Variants in TRMT1L observed in about 807,000 individuals in gnomAD.
TRMT1L encodes the protein tRNA methyltransferase 1L.
In TRMT1L, 28 loss-of-function variants were observed where a neutral mutation model predicts 81.6. That is an observed-to-expected ratio of 0.34 (90% CI 0.25 to 0.47). The LOEUF is 0.47. Among genes scored for constraint, TRMT1L ranks in the 20% least tolerant of loss-of-function variants. The pLI, the probability that TRMT1L is intolerant of heterozygous loss-of-function variation, is 1.00. For missense variants in TRMT1L, 739 were observed against 877.1 expected (o/e 0.84, Z 1.99); for synonymous variants, 301 against 303.2 (o/e 0.99, Z 0.07).
chr1:185,128,313 C>A (rs1557985386), intron 11 of TRMT1L, among the ~76,000 whole-genome samples: 1 of 152,140 alleles, frequency 6.6e-6, no homozygotes, highest in Non-Finnish European at 1.5e-5. Flanking sequence ...TGAGTTGGCT[C>A]TTCTATAAAA....
Position 185,137,925 on chromosome 1 carries a change from A to C in TRMT1L, c.1323-129T>G. The stretch of plus-strand genomic sequence containing the variant: ...GGACATCAAGAAAAATTCAATTCTC[A>C]GTAGCAGTGCTTTTAAAAGATCATT... On this transcript the variant is annotated intron_variant, in intron 9 of 14. Transcript: ENST00000367506. 4 of 780,536 alleles carry C rather than the reference A, an allele frequency of 5.1e-6. No individual in the cohort carries two copies. The South Asian group carries it at 8.8e-5, about 17-fold the overall frequency. 48.4% of individuals were successfully genotyped at this position (780,536 alleles called of 1,614,324 possible). A position where few individuals can be genotyped will look rare whatever the true frequency, so the allele number is the denominator to read the frequency against.
intron 7 of TRMT1L, among the ~76,000 whole-genome samples, chr1:185,142,070 G>T (rs1653064417): frequency 6.6e-6 from 1 of 152,106 alleles, no homozygotes; most frequent in South Asian, 2.1e-4. Flanking sequence ...TATGGGAAGA[G>T]TAACAGGAAA....
Position 185,139,451 on chromosome 1 carries a change from G to A in TRMT1L, c.1238C>T (p.Ala413Val), listed in dbSNP as rs771856900. 3.5e-5 allele frequency: 57 copies of A among 1,614,010 alleles called. No homozygotes were observed. The highest frequency in any genetic ancestry group is 1.6e-4 in the Middle Eastern group (1 of 6,080). ...SSLYAKAQHV[A>V]RRHYGCNIVR... ...AATGTTACATCCGTAGTGACGCCGGGCAACATGCTGTGCCTTGGCATATAA... is the reference window on the plus strand; with the variant it reads ...AATGTTACATCCGTAGTGACGCCGGACAACATGCTGTGCCTTGGCATATAA... Residue 413 changes from alanine (A) to valine (V), a missense_variant, in exon 9 of 15, where the codon GCC (alanine) becomes GTC (valine). Around this residue, in one of 4 missense-constraint regions of TRMT1L, gnomAD observed 331 missense variants for 462.2 expected, o/e 0.72. Transcript: ENST00000367506.
chr1:185,124,884 A>G, intron 12 of TRMT1L, 60 bp downstream of exon 12: 1 of 1,448,740 alleles, frequency 6.9e-7, no homozygotes, highest in Non-Finnish European at 9.4e-7. Context: ...TACAATTGAA[A>G]AAGATACAGT....
intron 2 of TRMT1L, 111 bp from the exon 3 acceptor site, chr1:185,150,603 C>T: frequency 1.4e-6 from 1 of 732,760 alleles, no homozygotes; most frequent in Non-Finnish European, 2.3e-6. Flanking sequence ...TAAAGTCTTT[C>T]TTAACTTTAG....
chr1:185,136,103 T>C (rs1397879696), intron 10 of TRMT1L, among the ~76,000 whole-genome samples: 1 of 152,182 alleles, frequency 6.6e-6, no homozygotes. Context: ...AAGCCAGTAT[T>C]ATGCTTGAAT....
chr1:185,148,737 G>C (rs530819553), intron 3 of TRMT1L, among the ~76,000 whole-genome samples: 1 of 152,152 alleles, frequency 6.6e-6, no homozygotes, highest in Non-Finnish European at 1.5e-5. Flanking sequence ...ATTTTCCTAA[G>C]AAGTCAGTAT....
At position 185,118,824 on chromosome 1, in the gene TRMT1L, CTT is replaced by C. The variant is rs1308776920; in HGVS notation, c.*1193_*1194del. 1.3e-5 allele frequency: 2 copies of C among 151,892 alleles called. No individual in the cohort carries two copies. The highest frequency in any genetic ancestry group is 2.9e-5 in the Non-Finnish European group (2 of 67,946). The allele number at this position is 151,892 out of a possible 1,614,324, so 9.4% of individuals were successfully genotyped here. The stretch of plus-strand genomic sequence containing the variant: ...TTTTTTTGTATATGTCACAGAAGTA[CTT>C]TTTTCTTAGGTAGTATATTTAAACC... On this transcript the variant is annotated 3_prime_UTR_variant, in exon 15 of 15. Transcript: ENST00000367506.
Position 185,125,053 on chromosome 1 carries a change from G to T in TRMT1L, c.1650C>A (p.His550Gln). ...GGGTCTGAATGTCATCCAAACCATGGTGAAGAGATTCAAATAGCATTCTTT... is the reference window on the plus strand; with the variant it reads ...GGGTCTGAATGTCATCCAAACCATGTTGAAGAGATTCAAATAGCATTCTTT... Reference protein sequence around the residue: ...FLKRMLFESLHHGLDDIQTLI... With the variant: ...FLKRMLFESLQHGLDDIQTLI... Residue 550 changes from histidine to glutamine, a missense_variant, in exon 12 of 15, where the codon CAC becomes CAA. His to Gln is a conservative substitution (Grantham distance 24). Transcript: ENST00000367506. 1.2e-6 allele frequency: 2 copies of T among 1,612,866 alleles called. No individual in the cohort carries two copies. Among genetic ancestry groups the T allele is most frequent in the African/African-American group, 2.7e-5 (2 of 74,988 alleles).
intron 9 of TRMT1L, 30 bp from the exon 10 acceptor site, chr1:185,137,826 G>A (rs772379572): frequency 1.3e-5 from 21 of 1,604,950 alleles, no homozygotes; most frequent in Non-Finnish European, 1.7e-5. Flanking sequence ...GTTATTTTGT[G>A]GGCTTATCAT....
Position 185,118,518 on chromosome 1 carries a change from G to A in TRMT1L, c.*1501C>T, listed in dbSNP as rs1652417685. ...TGAGTGCTAAAATAGTTTGCCTCCT[G>A]GATTTATAGTAATTTTTAATTGAAA... is the stretch of plus-strand genomic sequence containing the variant. On this transcript the variant is annotated 3_prime_UTR_variant, in exon 15 of 15. Coordinates refer to ENST00000367506, the MANE Select transcript of TRMT1L (RefSeq NM_030934.5). 6.6e-6 allele frequency: 1 copy of A among 151,770 alleles called. No homozygotes were observed. The highest frequency in any genetic ancestry group is 2.4e-5 in the African/African-American group (1 of 41,284). 9.4% of individuals were successfully genotyped at this position (151,770 alleles called of 1,614,324 possible).
chr1:185,138,412 C>T (rs1427438437), intron 9 of TRMT1L, among the ~76,000 whole-genome samples: 2 of 152,090 alleles, frequency 1.3e-5, no homozygotes, highest in Admixed American at 6.6e-5. Context: ...CAGTAAACAT[C>T]AGTTTTCAGG....
At chr1:185,128,414 A>G (rs1405006676) in intron 11 of TRMT1L, among the ~76,000 whole-genome samples, 1 of 152,198 alleles carries the variant, frequency 6.6e-6, no homozygotes, top group African/African-American at 2.4e-5. Context: ...TGAATTATCT[A>G]GTTTCCAGAT....
In TRMT1L at chr1:185,120,073, T is replaced by A; in HGVS notation, c.2148A>T (p.Arg716Ser). The A allele has an allele frequency of 6.2e-7, 1 of 1,614,032 alleles. No individual in the cohort carries two copies. The highest frequency in any genetic ancestry group is 8.5e-7 in the Non-Finnish European group (1 of 1,179,942). Residue 716 changes from arginine to serine, a missense_variant, in exon 15 of 15, where the codon AGA becomes AGT. Arg to Ser is a moderately radical substitution (Grantham distance 110). This residue lies in a region of TRMT1L where 196 missense variants were observed against 232.6 expected (regional missense o/e 0.84). Coordinates refer to ENST00000367506, the MANE Select transcript of TRMT1L (RefSeq NM_030934.5). ...QSASEDTVTE[R>S]VEMSVNDKAE... ...CTTTGTCATTCACTGACATTTCAAC[T>A]CTTTCAGTTACTGTATCTTCAGATG...
chr1:185,148,899 T>C (rs1243287990), intron 3 of TRMT1L, among the ~76,000 whole-genome samples: 3 of 152,254 alleles, frequency 2.0e-5, no homozygotes, highest in Non-Finnish European at 4.4e-5. Flanking sequence ...ACTTCTTTTC[T>C]GGATGTCTCT....
chr1:185,123,775 C>A lies in TRMT1L; in HGVS notation c.1822+82G>T, dbSNP rs1320332517. On this transcript the variant is annotated intron_variant, in intron 13 of 14. Transcript: ENST00000367506. ...TGTATTTTTAAGTAGGCTACCATGG[C>A]AATCTCTTCTCTTCCTACCCTTTTG... 3 of 792,932 alleles carry A rather than the reference C, an allele frequency of 3.8e-6. No individual in the cohort carries two copies. The East Asian group carries it at 9.7e-5, about 26-fold the overall frequency. 49.1% of individuals were successfully genotyped at this position (792,932 alleles called of 1,614,324 possible).
intron 10 of TRMT1L, 50 bp downstream of exon 10, chr1:185,137,556 C>T: frequency 6.5e-7 from 1 of 1,538,558 alleles, no homozygotes. Context: ...GTGATAAAGG[C>T]TTATTCAGTG....
At chr1:185,149,492 C>A (rs975933640) in intron 3 of TRMT1L, among the ~76,000 whole-genome samples, 4 of 151,782 alleles carry the variant, frequency 2.6e-5, no homozygotes, top group Admixed American at 2.6e-4. Flanking sequence ...TTTATAGAGA[C>A]AGGGTCTTAC....
At chr1:185,155,965 C>G (rs769590757) in intron 1 of TRMT1L, among the ~76,000 whole-genome samples, 1 of 152,104 alleles carries the variant, frequency 6.6e-6, no homozygotes, top group African/African-American at 2.4e-5. Context: ...AAGCTGCTAG[C>G]GGGGGAAAAG....
Sources: allele counts gnomAD v4.1 joint callset (sites outside exome capture counted in the v4.1 genomes callset), GRCh38; gene constraint gnomAD v4.1.1; regional missense constraint gnomAD v4.1.1; transcripts MANE v1.5; gene names NCBI Gene and HGNC (gene_info 2026-07-23, HGNC 2026-07-21).